The following MACROD2 variants were observed in gnomAD, a reference collection of about 807,000 sequenced individuals.
MACROD2 encodes ADP-ribose glycohydrolase MACROD2.
In MACROD2, 36 loss-of-function variants were observed where a neutral mutation model predicts 70.4. The observed-to-expected ratio is 0.51, with a 90% CI of 0.39 to 0.68. The LOEUF is 0.68. Ranked by LOEUF, MACROD2 falls within the 30% of genes least tolerant of loss-of-function variation. MACROD2 has a pLI of 0.00. For synonymous variants in MACROD2, 172 were observed against 178.8 expected (o/e 0.96, Z 0.30); for missense variants, 496 against 538.4 (o/e 0.92, Z 0.78).
intron 8 of MACROD2, among the ~76,000 whole-genome samples, chr20:15,828,871 A>G (rs1225486161): frequency 6.6e-6 from 1 of 152,240 alleles, no homozygotes. Context: ...ACATGCTTTA[A>G]TCTCAGGACA....
At chr20:14,796,695 A>G (rs187943694) in intron 5 of MACROD2, among the ~76,000 whole-genome samples, 87 of 152,216 alleles carry the variant, frequency 5.7e-4, no homozygotes, top group African/African-American at 1.7e-3. Flanking sequence ...TGTGCCCTTC[A>G]TATTCTCACA....
intron 3 of MACROD2, among the ~76,000 whole-genome samples, chr20:14,142,975 G>A (rs2054897256): frequency 6.6e-6 from 1 of 152,068 alleles, no homozygotes. Flanking sequence ...GCACACACAC[G>A]AAATATAATA....
chr20:15,208,159 G>C (rs1371918510), intron 5 of MACROD2, among the ~76,000 whole-genome samples: 1 of 151,880 alleles, frequency 6.6e-6, no homozygotes, highest in Non-Finnish European at 1.5e-5. Context: ...CTATTGTCCT[G>C]TCTTCAAGTT....
chr20:15,801,970 A>G (rs2063730536), intron 8 of MACROD2, among the ~76,000 whole-genome samples: 1 of 152,134 alleles, frequency 6.6e-6, no homozygotes. Context: ...GCTATTATAA[A>G]TTGAATTGCT....
chr20:15,478,017 C>G (rs781489127), intron 7 of MACROD2, among the ~76,000 whole-genome samples: 20 of 152,294 alleles, frequency 1.3e-4, no homozygotes, highest in Admixed American at 3.3e-4. Context: ...TGGATTTGCT[C>G]CAGTGCCTCC....
chr20:15,368,070 T>G (rs2045437611), intron 6 of MACROD2, among the ~76,000 whole-genome samples: 1 of 152,152 alleles, frequency 6.6e-6, no homozygotes, highest in African/African-American at 2.4e-5. Context: ...GGAACACTAC[T>G]AGTATCTTGA....
chr20:14,497,557 C>T (rs547500977), intron 4 of MACROD2, among the ~76,000 whole-genome samples: 27 of 151,560 alleles, frequency 1.8e-4, no homozygotes, highest in Admixed American at 5.9e-4. Flanking sequence ...TTTTCATTGA[C>T]GTAATAGTTA....
chr20:14,101,989 G>A (rs2054307245), intron 3 of MACROD2, among the ~76,000 whole-genome samples: 2 of 99,278 alleles, frequency 2.0e-5, no homozygotes, highest in South Asian at 7.7e-4. Flanking sequence ...GTCTTTTAAT[G>A]AGTCTTTTTT....
In MACROD2 at chr20:14,325,930, T is replaced by C. The variant is rs372442326; in HGVS notation, c.272-167549T>C. The stretch of plus-strand genomic sequence containing the variant: ...ACCAATGATGGCAGCCAAAGGTAAA[T>C]TGGGGTTTTTGTAAGGTTCTTTCTC... On this transcript the variant is annotated intron_variant, in intron 3 of 17. Coordinates refer to ENST00000684519, the MANE Select transcript of MACROD2 (RefSeq NM_001351661.2). 4 of 1,613,810 alleles carry C rather than the reference T, an allele frequency of 2.5e-6. No homozygotes were observed. The African/African-American group carries it at 4.0e-5, about 16-fold the overall frequency.
intron 3 of MACROD2, among the ~76,000 whole-genome samples, chr20:14,107,651 TATAAC>T (rs1283397275): frequency 6.6e-6 from 1 of 151,626 alleles, no homozygotes; most frequent in Non-Finnish European, 1.5e-5. Flanking sequence ...AAAAGAAACA[TATAAC>T]ATAAAATGGC....
intron 8 of MACROD2, among the ~76,000 whole-genome samples, chr20:15,591,835 C>T (rs1037830166): frequency 2.0e-5 from 3 of 152,132 alleles, no homozygotes; most frequent in African/African-American, 7.2e-5. Context: ...TCCTTCCTCC[C>T]ACCCTGGCCC....
chr20:14,000,459 A>AT (rs1038092444), intron 1 of MACROD2, among the ~76,000 whole-genome samples: 6 of 152,030 alleles, frequency 3.9e-5, no homozygotes, highest in Non-Finnish European at 8.8e-5. Flanking sequence ...TAAAGTGGTT[A>AT]TTTTTTGAAG....
intron 12 of MACROD2, among the ~76,000 whole-genome samples, chr20:15,962,921 T>G (rs1433620786): frequency 1.3e-5 from 2 of 152,196 alleles, no homozygotes; most frequent in Non-Finnish European, 2.9e-5. Context: ...AGCATCAGAA[T>G]AGTCTGGGAA....
intron 10 of MACROD2, among the ~76,000 whole-genome samples, chr20:15,916,266 G>A (rs1338490762): frequency 6.6e-6 from 1 of 152,152 alleles, no homozygotes; most frequent in Admixed American, 6.5e-5. Flanking sequence ...TTGCCATGGG[G>A]GCTCTCTATA....
intron 5 of MACROD2, among the ~76,000 whole-genome samples, chr20:14,811,159 G>T (rs375294092): frequency 3.3e-5 from 5 of 152,166 alleles, no homozygotes; most frequent in African/African-American, 1.2e-4. Flanking sequence ...AACGAAGCTG[G>T]TGGCATCACA....
chr20:14,550,602 A>C (rs1978589378), intron 4 of MACROD2, among the ~76,000 whole-genome samples: 1 of 152,138 alleles, frequency 6.6e-6, no homozygotes, highest in African/African-American at 2.4e-5. Context: ...GTGAGAAATA[A>C]ATTTCCCCCT....
intron 5 of MACROD2, among the ~76,000 whole-genome samples, chr20:15,077,350 G>A (rs2075665889): frequency 6.6e-6 from 1 of 152,072 alleles, no homozygotes; most frequent in Non-Finnish European, 1.5e-5. Context: ...ATGACATTAG[G>A]CGACAAAAAT....
chr20:14,007,152 A>AT (rs2052834714), intron 2 of MACROD2, among the ~76,000 whole-genome samples: 1 of 152,068 alleles, frequency 6.6e-6, no homozygotes, highest in Admixed American at 6.6e-5. Context: ...TGGTATGTGA[A>AT]TTTTATCATT....
chr20:15,483,879 T>A (rs2047130347), intron 7 of MACROD2, among the ~76,000 whole-genome samples: 1 of 151,950 alleles, frequency 6.6e-6, no homozygotes, highest in African/African-American at 2.4e-5. Flanking sequence ...TGTTGGTACA[T>A]AGGAGAATGT....
Sources: allele counts gnomAD v4.1 joint callset (sites outside exome capture counted in the v4.1 genomes callset), GRCh38; gene constraint gnomAD v4.1.1; transcripts MANE v1.5; gene names NCBI Gene and HGNC (gene_info 2026-07-23, HGNC 2026-07-21).